Variants in PDE4D observed in about 807,000 individuals in gnomAD.
PDE4D encodes the protein 3',5'-cyclic-AMP phosphodiesterase 4D.
Under a neutral mutation model 87.4 loss-of-function variants are expected in PDE4D, and 24 were observed. The ratio of observed to expected loss-of-function variants is 0.27; its 90% CI spans 0.20 to 0.39. PDE4D has a LOEUF of 0.39. PDE4D is among the 10% of genes least tolerant of loss of function. The pLI is 1.00. For missense variants in PDE4D, 714 were observed against 1,041.0 expected (o/e 0.69, Z 4.32); for synonymous variants, 384 against 383.2 (o/e 1.00, Z -0.02).
At chr5:60,154,685 C>T (rs1432363771) in intron 2 of PDE4D, among the ~76,000 whole-genome samples, 1 of 152,190 alleles carries the variant, frequency 6.6e-6, no homozygotes, top group African/African-American at 2.4e-5. Context: ...GATCAAAAAG[C>T]AGCATATTAT....
chr5:59,997,405 G>A (rs1340356915), intron 2 of PDE4D, among the ~76,000 whole-genome samples: 2 of 151,972 alleles, frequency 1.3e-5, no homozygotes, highest in Non-Finnish European at 2.9e-5. Context: ...GAAATACAAA[G>A]GATCTATTGT....
At chr5:59,427,034 CACACACACACACACAT>C (rs1471561873) in intron 1 of PDE4D, among the ~76,000 whole-genome samples, 2 of 104,806 alleles carry the variant, frequency 1.9e-5, no homozygotes, top group African/African-American at 3.4e-5. Context: ...CACACACACA[CACACACACACACACAT>C]TACATATATA....
chr5:60,419,966 A>G (rs1161117245), intron 1 of PDE4D, among the ~76,000 whole-genome samples: 2 of 152,190 alleles, frequency 1.3e-5, no homozygotes, highest in Non-Finnish European at 2.9e-5. Flanking sequence ...ACTTTAACAC[A>G]GAGAAGTCTC....
At chr5:59,686,878 T>C (rs1749961342) in intron 1 of PDE4D, among the ~76,000 whole-genome samples, 1 of 152,170 alleles carries the variant, frequency 6.6e-6, no homozygotes. Context: ...AATTGTCAAA[T>C]CTTCAAATGG....
At chr5:59,860,251 G>A (rs1328881224) in intron 1 of PDE4D, among the ~76,000 whole-genome samples, 1 of 152,172 alleles carries the variant, frequency 6.6e-6, no homozygotes, top group African/African-American at 2.4e-5. Flanking sequence ...ATGCTGTGAA[G>A]TAGATGGATG....
chr5:59,365,064 G>T lies in PDE4D; in HGVS notation c.456-149096C>A, dbSNP rs191524259. On this transcript the variant is annotated intron_variant, in intron 1 of 14. Coordinates refer to ENST00000340635, the MANE Select transcript of PDE4D (RefSeq NM_001104631.2). Reference sequence around the variant, plus strand: ...GTAATACAAAATTTGACTGGGCTTAGGTTTATTTAAAGTATCAGGGCAATA... The same window carrying T: ...GTAATACAAAATTTGACTGGGCTTATGTTTATTTAAAGTATCAGGGCAATA... Among the ~76,000 whole-genome samples, 15 of 152,092 alleles carry T rather than the reference G, an allele frequency of 9.9e-5. No homozygotes were observed. In the East Asian group the frequency reaches 2.1e-3, roughly 22 times the overall value.
intron 1 of PDE4D, among the ~76,000 whole-genome samples, chr5:59,461,921 A>C (rs294474): frequency 6.6e-6 from 1 of 151,960 alleles, no homozygotes; most frequent in Non-Finnish European, 1.5e-5. Context: ...ATGCAATAAT[A>C]GATTTAATGT....
chr5:60,063,957 C>T (rs866481992), intron 2 of PDE4D, among the ~76,000 whole-genome samples: 48 of 151,972 alleles, frequency 3.2e-4, no homozygotes, highest in Admixed American at 1.8e-3. Flanking sequence ...CATAGATTGG[C>T]CCGAGGAGAT....
At chr5:60,429,710 A>G (rs1744030570) in intron 1 of PDE4D, among the ~76,000 whole-genome samples, 1 of 152,116 alleles carries the variant, frequency 6.6e-6, no homozygotes, top group African/African-American at 2.4e-5. Context: ...TTCTGCATCT[A>G]TTGAGATGAT....
intron 1 of PDE4D, among the ~76,000 whole-genome samples, chr5:60,384,185 C>A (rs1762050186): frequency 6.6e-6 from 1 of 152,118 alleles, no homozygotes. Context: ...AAAACCCTTA[C>A]CTAATTAGGT....
At chr5:58,984,800 C>T (rs1293842941) in intron 11 of PDE4D, among the ~76,000 whole-genome samples, 2 of 152,144 alleles carry the variant, frequency 1.3e-5, no homozygotes, top group Non-Finnish European at 2.9e-5. Context: ...AAATTTAATG[C>T]TATATTCTGT....
chr5:59,077,367 C>G (rs897746445), intron 5 of PDE4D, among the ~76,000 whole-genome samples: 1 of 151,876 alleles, frequency 6.6e-6, no homozygotes, highest in Non-Finnish European at 1.5e-5. Context: ...ATATTTCACT[C>G]TTATTTCTCC....
chr5:60,396,849 CT>C (rs1378111823), intron 1 of PDE4D, among the ~76,000 whole-genome samples: 1 of 152,198 alleles, frequency 6.6e-6, no homozygotes, highest in Non-Finnish European at 1.5e-5. Context: ...CCAGGCAGAC[CT>C]TTCCTTTCCT....
At chr5:60,291,727 T>C (rs1562294055) in intron 1 of PDE4D, among the ~76,000 whole-genome samples, 1 of 151,984 alleles carries the variant, frequency 6.6e-6, no homozygotes, top group Non-Finnish European at 1.5e-5. Context: ...AACTGGGCAG[T>C]GAGACAAGCA....
chr5:60,279,492 C>T (rs988595342), intron 1 of PDE4D, among the ~76,000 whole-genome samples: 1 of 152,054 alleles, frequency 6.6e-6, no homozygotes, highest in African/African-American at 2.4e-5. Flanking sequence ...CCCGACATGG[C>T]TTTTGCAGGT....
At chr5:59,795,276 T>C (rs1766329602) in intron 1 of PDE4D, among the ~76,000 whole-genome samples, 1 of 152,180 alleles carries the variant, frequency 6.6e-6, no homozygotes, top group Admixed American at 6.5e-5. Context: ...AGAGGCTCTA[T>C]ATGTGAGGAT....
At chr5:59,727,505 G>C (rs1580712513) in intron 1 of PDE4D, among the ~76,000 whole-genome samples, 1 of 152,184 alleles carries the variant, frequency 6.6e-6, no homozygotes, top group African/African-American at 2.4e-5. Context: ...TTCCACAGGA[G>C]TAAAAATTTC....
intron 2 of PDE4D, among the ~76,000 whole-genome samples, chr5:60,100,204 T>C (rs1207455605): frequency 1.3e-5 from 2 of 152,018 alleles, no homozygotes; most frequent in East Asian, 1.9e-4. Context: ...ATTATGTATA[T>C]GTATATTTGT....
At chr5:60,106,683 T>C (rs536808605) in intron 2 of PDE4D, among the ~76,000 whole-genome samples, 4,203 of 151,566 alleles carry the variant, frequency 0.028, 184 homozygotes, top group African/African-American at 0.097. Flanking sequence ...GCAATCAAAC[T>C]GGAACTCAGG....
Sources: allele counts gnomAD v4.1 joint callset (sites outside exome capture counted in the v4.1 genomes callset), GRCh38; gene constraint gnomAD v4.1.1; transcripts MANE v1.5; gene names NCBI Gene and HGNC (gene_info 2026-07-23, HGNC 2026-07-21).